Variants in CCDC191 observed in about 807,000 individuals in gnomAD.
CCDC191 encodes the protein coiled-coil domain-containing protein 191.
Under a neutral mutation model 114.0 loss-of-function variants are expected in CCDC191, and 99 were observed. That is an observed-to-expected ratio of 0.87 (90% CI 0.74 to 1.03). The LOEUF (loss-of-function observed/expected upper bound fraction) is 1.03, where lower values mean the gene tolerates loss of function less well. CCDC191 is among the 50% of genes least tolerant of loss of function. The probability of loss-of-function intolerance (pLI) is 0.00; values close to 1 mark genes in which losing one functional copy is unlikely to be tolerated. For missense variants in CCDC191, 973 were observed against 1,087.0 expected (o/e 0.90, Z 1.47); for synonymous variants, 351 against 376.0 (o/e 0.93, Z 0.77).
Position 114,011,034 on chromosome 3 carries a change from G to A in CCDC191, c.1164-13C>T, listed in dbSNP as rs777158858. The A allele has an allele frequency of 6.3e-7, 1 of 1,594,826 alleles. No homozygotes were observed. ...CAGTTGTTGTTTTCTAAGCAACAAA[G>A]CACTTCCATTAAAATAAAGAAGCCA... On this transcript the variant is annotated splice_polypyrimidine_tract_variant and intron_variant, in intron 8 of 16. Transcript: ENST00000295878.
rs1385360236 is a variant in CCDC191, at chr3:114,047,844, A to G, written c.130-1112T>C. On this transcript the variant is annotated intron_variant, in intron 2 of 16. Transcript: ENST00000295878. ...ACAAAAATTAGCCGGGTGTGGTGGC[A>G]TGAGCCTGTAATCTCAGCTACTTGG... is the stretch of plus-strand genomic sequence containing the variant. Among the ~76,000 whole-genome samples, 3 of 151,990 alleles carry G rather than the reference A, an allele frequency of 2.0e-5. 1 individual carries two copies. Among genetic ancestry groups the G allele is most frequent in the African/African-American group, 7.2e-5 (3 of 41,384 alleles).
At chr3:114,031,500 CG>C (rs1577451369) in intron 7 of CCDC191, 125 bp downstream of exon 7, 1 of 755,918 alleles carries the variant, frequency 1.3e-6, no homozygotes, top group East Asian at 2.6e-5. Context: ...GAACAAATGG[CG>C]TGGGCAGTTT....
intron 2 of CCDC191, among the ~76,000 whole-genome samples, chr3:114,052,373 T>G (rs1464850656): frequency 6.6e-6 from 1 of 152,182 alleles, no homozygotes; most frequent in Non-Finnish European, 1.5e-5. Context: ...GAAGAGATGG[T>G]AACTAACTGT....
At chr3:113,967,624 T>C (rs1043726098) in intron 16 of CCDC191, among the ~76,000 whole-genome samples, 1 of 152,200 alleles carries the variant, frequency 6.6e-6, no homozygotes, top group African/African-American at 2.4e-5. Context: ...ATATTTATCT[T>C]TTATTTACCA....
In CCDC191 at chr3:114,053,705, C is replaced by T. The variant is rs527862726; in HGVS notation, c.91-70G>A. 2.3e-5 allele frequency: 24 copies of T among 1,021,364 alleles called. No individual in the cohort carries two copies. The African/African-American group carries it at 2.9e-4, about 12-fold the overall frequency. 63.3% of individuals were successfully genotyped at this position (1,021,364 alleles called of 1,614,324 possible). ...ATCAACTTTGCCATTTAAATCTATC[C>T]TTCTGACTAAAGCATATGGAACAGT... On this transcript the variant is annotated intron_variant, in intron 1 of 16. Transcript: ENST00000295878.
chr3:114,031,347 C>T (rs1006238508), intron 7 of CCDC191, among the ~76,000 whole-genome samples: 2 of 152,194 alleles, frequency 1.3e-5, no homozygotes, highest in Non-Finnish European at 2.9e-5. Context: ...AAATGCTATT[C>T]TGAAGAGGTA....
chr3:114,032,886 T>A (rs1309832050), intron 6 of CCDC191, among the ~76,000 whole-genome samples: 1 of 152,222 alleles, frequency 6.6e-6, no homozygotes, highest in Non-Finnish European at 1.5e-5. Flanking sequence ...AATAAAAATG[T>A]TATTGACTTT....
intron 3 of CCDC191, 90 bp from the exon 4 acceptor site, chr3:114,042,936 G>T: frequency 8.1e-7 from 1 of 1,232,062 alleles, no homozygotes; most frequent in Non-Finnish European, 1.1e-6. Flanking sequence ...AATATTAATT[G>T]AGTACCTATC....
rs1281689722 is a variant in CCDC191 at position 114,005,661 on chromosome 3, T to C, written c.1715A>G (p.Glu572Gly). 6.2e-7 allele frequency: 1 copy of C among 1,614,158 alleles called. No homozygotes were observed. Among genetic ancestry groups the C allele is most frequent in the Admixed American group, 1.7e-5 (1 of 60,016 alleles). ...CAGCTCGAGAATTGTTTTCTGCTGT[T>C]CCTGAAGTTTCTTCTTTTGCTTCTC... ...LIEKQKKKLQ[E>G]QQKTILELKK... The change falls in exon 10 of 17, where the codon GAA becomes GGA. Residue 572 changes from glutamate to glycine, a missense_variant. By Grantham distance (98) the Glu-to-Gly change is moderately conservative. Transcript: ENST00000295878.
chr3:114,048,476 G>A (rs751170222), intron 2 of CCDC191, among the ~76,000 whole-genome samples: 26 of 152,082 alleles, frequency 1.7e-4, no homozygotes, highest in African/African-American at 5.3e-4. Context: ...CCCTTTGCTC[G>A]TTCTACTTCA....
intron 5 of CCDC191, among the ~76,000 whole-genome samples, chr3:114,035,710 T>C (rs1185383186): frequency 1.3e-5 from 2 of 152,150 alleles, no homozygotes; most frequent in Non-Finnish European, 1.5e-5. Flanking sequence ...ATTAATCCTT[T>C]AGAGGGCTTG....
chr3:114,002,645 G>T (rs964136135), intron 11 of CCDC191, 107 bp from the exon 12 acceptor site: 2 of 1,247,944 alleles, frequency 1.6e-6, no homozygotes, highest in Non-Finnish European at 2.1e-6. Context: ...TTATTATTAG[G>T]GTTTTCTTGT....
chr3:114,012,506 G>A (rs2076087941), intron 8 of CCDC191, among the ~76,000 whole-genome samples: 1 of 152,028 alleles, frequency 6.6e-6, no homozygotes, highest in Non-Finnish European at 1.5e-5. Context: ...ATCTGAGACT[G>A]AATAATCTTG....
In CCDC191 at chr3:114,036,667, T is replaced by C. The variant is rs1199371882; in HGVS notation, c.535A>G (p.Asn179Asp). ...AMMEDLGRKENQDKKQQKDPR... is the reference protein window; with the variant it reads ...AMMEDLGRKEDQDKKQQKDPR... ...TCCTTCTGCTGCTTCTTGTCTTGGT[T>C]TTCCTTCCTTCCAAGATCTTCCATC... The change falls in exon 5 of 17, where the codon AAC becomes GAC. Residue 179 changes from asparagine to aspartate, a missense_variant. Transcript: ENST00000295878. 6.2e-7 allele frequency: 1 copy of C among 1,605,794 alleles called. No individual in the cohort carries two copies. The highest frequency in any genetic ancestry group is 2.3e-5 in the East Asian group (1 of 44,276).
chr3:114,042,598 C>A, intron 4 of CCDC191, 105 bp downstream of exon 4: 7 of 918,068 alleles, frequency 7.6e-6, no homozygotes, highest in Non-Finnish European at 1.1e-5. Context: ...CTAAAAAAAA[C>A]ACAGAAAACT....
In CCDC191 at chr3:114,005,941, A is replaced by G. The variant is rs1475317173; in HGVS notation, c.1435T>C (p.Trp479Arg). The G allele has an allele frequency of 6.2e-7, 1 of 1,614,032 alleles. No individual in the cohort carries two copies. The highest frequency in any genetic ancestry group is 2.2e-5 in the East Asian group (1 of 44,880). Residue 479 changes from tryptophan (W) to arginine (R), a missense_variant, in exon 10 of 17, where the codon TGG becomes CGG. Transcript: ENST00000295878. ...NGQETAVPPL[W>R]EKPPLGSSGC... ...CTGCTTCCCAAGGGAGGCTTTTCCC[A>G]CAAAGGGGGCACAGCAGTCTCCTGA...
At chr3:114,037,244 A>G (rs2076498666) in intron 4 of CCDC191, 1 of 152,264 alleles carries the variant, frequency 6.6e-6, no homozygotes, top group Non-Finnish European at 1.5e-5. Flanking sequence ...TAATGAACAT[A>G]TCCATCAGCC....
rs531912763 is a variant in CCDC191 at position 113,995,194 on chromosome 3, G to A, written c.2163+6401C>T. ...TGTTTGCCAGGGGTTAGGGGCTGGC[G>A]GATGTCCCACTGGGTACAATGTTCA... On this transcript the variant is annotated intron_variant, in intron 13 of 16. Coordinates refer to ENST00000295878, the MANE Select transcript of CCDC191 (RefSeq NM_020817.2). Among the ~76,000 whole-genome samples, 8 of 152,212 alleles carry A rather than the reference G, an allele frequency of 5.3e-5. 1 individual carries two copies. The highest frequency in any genetic ancestry group is 2.0e-4 in the Admixed American group (3 of 15,288).
At chr3:114,046,760 T>A in intron 2 of CCDC191, 28 bp from the exon 3 acceptor site, 1 of 1,557,954 alleles carries the variant, frequency 6.4e-7, no homozygotes, top group East Asian at 2.3e-5. Context: ...AAAAAATCCA[T>A]AAAGATGACA....
Sources: gnomAD v4.1 joint callset for allele counts (sites outside exome capture counted in the v4.1 genomes callset) on GRCh38, gnomAD v4.1.1 for gene constraint, MANE v1.5 for transcripts, NCBI Gene and HGNC (gene_info 2026-07-23, HGNC 2026-07-21) for gene names.